The following SDK2 variants were observed in gnomAD, a reference collection of about 807,000 sequenced individuals.
SDK2 encodes sidekick cell adhesion molecule 2.
In SDK2, 105 loss-of-function variants were observed where a neutral mutation model predicts 253.9. That is an observed-to-expected ratio of 0.41 (90% CI 0.35 to 0.49). SDK2 has a LOEUF of 0.49. Ranked by LOEUF, SDK2 falls within the 20% of genes least tolerant of loss-of-function variation. The pLI is 0.06. For synonymous variants in SDK2, 1,249 were observed against 1,234.9 expected (o/e 1.01, Z -0.24); for missense variants, 2,608 against 3,003.0 (o/e 0.87, Z 3.07).
intron 18 of SDK2, among the ~76,000 whole-genome samples, chr17:73,407,334 C>G (rs911763519): frequency 8.5e-5 from 13 of 152,148 alleles, no homozygotes; most frequent in African/African-American, 3.1e-4. Context: ...GTCAAGAGGG[C>G]TCACCATCAA....
chr17:73,456,996 GC>G (rs199725623), intron 3 of SDK2, among the ~76,000 whole-genome samples: 1,991 of 152,290 alleles, frequency 0.013, 49 homozygotes, highest in African/African-American at 0.045. Flanking sequence ...AGAGTCTCAG[GC>G]CCCCCAAGAC....
At chr17:73,526,316 G>A (rs894051591) in intron 1 of SDK2, among the ~76,000 whole-genome samples, 2 of 152,224 alleles carry the variant, frequency 1.3e-5, no homozygotes, top group African/African-American at 2.4e-5. Flanking sequence ...GCAGGCCTGG[G>A]TGAGATGAAC....
intron 6 of SDK2, among the ~76,000 whole-genome samples, chr17:73,438,927 C>A (rs751138065): frequency 6.6e-6 from 1 of 152,158 alleles, no homozygotes; most frequent in Non-Finnish European, 1.5e-5. Context: ...CTTGAGGTGA[C>A]GCTGGGCAGT....
At chr17:73,512,647 A>T (rs960831924) in intron 1 of SDK2, among the ~76,000 whole-genome samples, 1 of 152,196 alleles carries the variant, frequency 6.6e-6, no homozygotes, top group Non-Finnish European at 1.5e-5. Context: ...ACCATGAAAG[A>T]ATAGCCAAAC....
At chr17:73,413,175 T>G (rs1249715998) in intron 18 of SDK2, among the ~76,000 whole-genome samples, 2 of 151,956 alleles carry the variant, frequency 1.3e-5, no homozygotes, top group African/African-American at 4.8e-5. Flanking sequence ...CCACCTCCCA[T>G]CAGTGGCAGC....
At chr17:73,561,988 T>TGGTG (rs1350776143) in intron 1 of SDK2, among the ~76,000 whole-genome samples, 1 of 151,976 alleles carries the variant, frequency 6.6e-6, no homozygotes. Flanking sequence ...TAGCTGGGCG[T>TGGTG]GGTGGTGTGC....
At chr17:73,357,750 G>T (rs2062603706) in intron 40 of SDK2, 1 of 401,760 alleles carries the variant, frequency 2.5e-6, no homozygotes, top group South Asian at 2.4e-5. Flanking sequence ...GCACCCATCA[G>T]TGGGGTCGTG....
chr17:73,526,136 G>A (rs538128108), intron 1 of SDK2, among the ~76,000 whole-genome samples: 9 of 152,350 alleles, frequency 5.9e-5, no homozygotes, highest in African/African-American at 1.9e-4. Context: ...AGGTGGGGCA[G>A]TCGGGAACAC....
At position 73,365,336 on chromosome 17, in the gene SDK2, A is replaced by C; in HGVS notation, c.5227T>G (p.Ser1743Ala). 6.2e-7 allele frequency: 1 copy of C among 1,613,048 alleles called. No individual in the cohort carries two copies. Residue 1743 changes from serine (S) to alanine (A), a missense_variant, in exon 38 of 45, where the codon TCC (serine) becomes GCC (alanine). Physicochemically the swap from Ser to Ala is moderately conservative, Grantham distance 99 (BLOSUM62 1). Transcript: ENST00000392650. ...TTGGGGAACTGCGGGGCTTCCCAGGACACATTCACTGAGGTTGTGGTCAGC... is the reference window on the plus strand; with the variant it reads ...TTGGGGAACTGCGGGGCTTCCCAGGCCACATTCACTGAGGTTGTGGTCAGC... ...SELTTTSVNV[S>A]WEAPQFPNGI...
chr17:73,574,690 G>T (rs1200368311), intron 1 of SDK2, among the ~76,000 whole-genome samples: 1 of 152,180 alleles, frequency 6.6e-6, no homozygotes, highest in Non-Finnish European at 1.5e-5. Flanking sequence ...CCTTGCCCTT[G>T]CTTCCTTCCT....
At chr17:73,462,971 T>C (rs2063574011) in intron 3 of SDK2, among the ~76,000 whole-genome samples, 1 of 152,220 alleles carries the variant, frequency 6.6e-6, no homozygotes, top group Non-Finnish European at 1.5e-5. Context: ...CAGCCATGTA[T>C]GCACTGAACC....
Position 73,541,063 on chromosome 17 carries a change from G to A in SDK2, c.65-33466C>T, listed in dbSNP as rs2044861186. Among the ~76,000 whole-genome samples, 1 of 152,190 alleles carries A rather than the reference G, an allele frequency of 6.6e-6. No homozygotes were observed. Among genetic ancestry groups the A allele is most frequent in the African/African-American group, 2.4e-5 (1 of 41,428 alleles). ...AATGGTAAGCTGCTAGGCCCCCTGA[G>A]AGTAGGTGTCTGCCAGTGTCTGCCC... On this transcript the variant is annotated intron_variant, in intron 1 of 44. Coordinates refer to ENST00000392650, the MANE Select transcript of SDK2 (RefSeq NM_001144952.2). This position sits in a 1 kb window ranked among gnomAD's most constrained non-coding sequence, Gnocchi z 4.3.
At chr17:73,339,227 T>C in intron 44 of SDK2, among the ~76,000 whole-genome samples, 1 of 141,828 alleles carries the variant, frequency 7.1e-6, no homozygotes, top group Non-Finnish European at 1.6e-5. Context: ...TTTTTTGTTT[T>C]TGTTTTTGTT....
At position 73,435,744 on chromosome 17, in the gene SDK2, G is replaced by A. The variant is rs1304635783; in HGVS notation, c.1001-100C>T. On this transcript the variant is annotated intron_variant, in intron 8 of 44. Transcript: ENST00000392650. This position sits in a 1 kb window ranked among gnomAD's most constrained non-coding sequence, Gnocchi z 5.7. The stretch of plus-strand genomic sequence containing the variant: ...GGCCGGGCCCGGAAATCTGCGAGGG[G>A]GTCCCTGGTGAATCTTGGTGTCTAG... The A allele has an allele frequency of 3.6e-5, 40 of 1,098,808 alleles. 1 individual carries two copies. Among genetic ancestry groups the A allele is most frequent in the Non-Finnish European group, 4.7e-5 (37 of 783,608 alleles). 68.1% of individuals were successfully genotyped at this position (1,098,808 alleles called of 1,614,324 possible).
At chr17:73,382,328 C>A (rs562945472) in intron 33 of SDK2, among the ~76,000 whole-genome samples, 1 of 152,202 alleles carries the variant, frequency 6.6e-6, no homozygotes, top group East Asian at 1.9e-4. Context: ...GGTACCCCTG[C>A]CTGCTGCCGT....
intron 1 of SDK2, among the ~76,000 whole-genome samples, chr17:73,556,137 T>C (rs1006094956): frequency 6.6e-6 from 1 of 152,154 alleles, no homozygotes; most frequent in Non-Finnish European, 1.5e-5. Flanking sequence ...GCAGGGACCA[T>C]TCCTCTCCCT....
At chr17:73,561,385 A>G (rs918058885) in intron 1 of SDK2, among the ~76,000 whole-genome samples, 2 of 152,188 alleles carry the variant, frequency 1.3e-5, no homozygotes, top group Non-Finnish European at 2.9e-5. Flanking sequence ...TAGGGAGAGA[A>G]GACGTCAGCA....
At chr17:73,417,494 C>T (rs1028379900) in intron 16 of SDK2, among the ~76,000 whole-genome samples, 2 of 151,974 alleles carry the variant, frequency 1.3e-5, no homozygotes, top group Admixed American at 6.6e-5. Flanking sequence ...CAAGGGTCAA[C>T]TGTAATTTAA....
chr17:73,505,128 G>GT (rs1845894267), intron 2 of SDK2, among the ~76,000 whole-genome samples: 4 of 152,172 alleles, frequency 2.6e-5, no homozygotes, highest in Admixed American at 2.6e-4. Context: ...CGATTGCTTT[G>GT]TTTTCTAGAA....
Sources: gnomAD v4.1 joint callset for allele counts (sites outside exome capture counted in the v4.1 genomes callset) on GRCh38, gnomAD v4.1.1 for gene constraint, Gnocchi (gnomAD v3.1) non-coding constraint, MANE v1.5 for transcripts, NCBI Gene and HGNC (gene_info 2026-07-23, HGNC 2026-07-21) for gene names.